The following RPRD2 variants were observed in gnomAD, a reference collection of about 807,000 sequenced individuals.
The protein encoded by RPRD2 is regulation of nuclear pre-mRNA domain containing 2.
A neutral mutation model predicts 104.4 loss-of-function variants in RPRD2; 12 were observed. The observed-to-expected ratio is 0.11, with a 90% CI of 0.07 to 0.19. RPRD2 has a LOEUF of 0.19. Among genes scored for constraint, RPRD2 ranks in the 10% least tolerant of loss-of-function variants. The probability of loss-of-function intolerance (pLI) is 1.00; values close to 1 mark genes in which losing one functional copy is unlikely to be tolerated. For synonymous variants in RPRD2, 714 were observed against 684.9 expected (o/e 1.04, Z -0.66); for missense variants, 1,543 against 1,790.1 (o/e 0.86, Z 2.49).
chr1:150,397,800 G>A (rs1373554082), intron 1 of RPRD2, among the ~76,000 whole-genome samples: 4 of 152,096 alleles, frequency 2.6e-5, no homozygotes, highest in Admixed American at 2.6e-4. Flanking sequence ...AGGCTGGAGT[G>A]TAGTGGCGCC....
At chr1:150,469,688 G>T (rs1220405604) in intron 10 of RPRD2, among the ~76,000 whole-genome samples, 2 of 152,168 alleles carry the variant, frequency 1.3e-5, no homozygotes, top group East Asian at 3.9e-4. Flanking sequence ...TTTTCTACAG[G>T]AGCAGTTTGC....
chr1:150,399,567 G>T (rs1352266422), intron 1 of RPRD2, among the ~76,000 whole-genome samples: 8 of 151,948 alleles, frequency 5.3e-5, no homozygotes, highest in African/African-American at 1.9e-4. Flanking sequence ...GACCAGCCTG[G>T]CCAACATGGT....
At chr1:150,466,036 T>TAAAA (rs1668248738) in intron 10 of RPRD2, among the ~76,000 whole-genome samples, 1 of 61,494 alleles carries the variant, frequency 1.6e-5, no homozygotes, top group Non-Finnish European at 4.9e-5. Context: ...AAAAAAAAAT[T>TAAAA]TTTTTATGAC....
rs782736208 is a variant in RPRD2, at chr1:150,441,846, T to A, written c.437-35T>A. On this transcript the variant is annotated intron_variant, in intron 3 of 10. Transcript: ENST00000369068. The stretch of plus-strand genomic sequence containing the variant: ...AGTGGACAGACAGAACAGCTTCCCA[T>A]AATGCCAGATTGCAAAAACTGAAAT... 8.4e-6 allele frequency: 13 copies of A among 1,540,064 alleles called. No homozygotes were observed. In the South Asian group the frequency reaches 1.5e-4, roughly 18 times the overall value.
chr1:150,473,556 TAA>T lies in RPRD2; in HGVS notation c.*244_*245del, dbSNP rs61486244. On this transcript the variant is annotated 3_prime_UTR_variant, in exon 11 of 11. Coordinates refer to ENST00000369068, the MANE Select transcript of RPRD2 (RefSeq NM_015203.5). Reference sequence around the variant, plus strand: ...TCTACCTTCCCCAAGTTGTTTGTATTAAAAAAAAAAAAAAAAAAAAAAAGTAA... The same window carrying T: ...TCTACCTTCCCCAAGTTGTTTGTATTAAAAAAAAAAAAAAAAAAAAAGTAA... 784 of 98,282 alleles carry T rather than the reference TAA, an allele frequency of 8.0e-3. No individual in the cohort carries two copies. The highest frequency in any genetic ancestry group is 0.013 in the East Asian group (60 of 4,582). 6.1% of individuals were successfully genotyped at this position (98,282 alleles called of 1,614,324 possible).
chr1:150,472,512 A>G lies in RPRD2; in HGVS notation c.3564A>G (p.Ser1188=), dbSNP rs1381125748. The part of the protein sequence containing the change: ...VGSFRSNSFN[S]TFEHHLPPSP... ...GCTTTCGTTCCAACAGTTTCAACTC[A>G]ACATTTGAGCATCATCTTCCCCCAT... The change falls in exon 11 of 11, where the codon TCA becomes TCG. Residue 1188 remains serine (S), a synonymous_variant. Coordinates refer to ENST00000369068, the MANE Select transcript of RPRD2 (RefSeq NM_015203.5). The G allele has an allele frequency of 4.3e-6, 7 of 1,613,934 alleles. No homozygotes were observed. Among genetic ancestry groups the G allele is most frequent in the East Asian group, 2.2e-5 (1 of 44,866 alleles).
chr1:150,371,747 C>G (rs937490233), intron 1 of RPRD2, among the ~76,000 whole-genome samples: 1 of 152,160 alleles, frequency 6.6e-6, no homozygotes, highest in Non-Finnish European at 1.5e-5. Context: ...CAAACCCAGG[C>G]ATTCTTGATC....
intron 1 of RPRD2, among the ~76,000 whole-genome samples, chr1:150,384,671 GTGTGTGTGTGTT>G (rs1370951811): frequency 2.4e-4 from 30 of 127,398 alleles, no homozygotes; most frequent in South Asian, 1.6e-3. Context: ...GTGTGTGTGT[GTGTGTGTGTGTT>G]TTTAGTAGAG....
chr1:150,462,669 C>T (rs1553899065), intron 9 of RPRD2, among the ~76,000 whole-genome samples: 1 of 151,974 alleles, frequency 6.6e-6, no homozygotes, highest in Non-Finnish European at 1.5e-5. Context: ...CATTCTCCTG[C>T]CTCAGCCTCC....
At chr1:150,442,883 TC>T (rs1666500327) in intron 4 of RPRD2, among the ~76,000 whole-genome samples, 1 of 152,042 alleles carries the variant, frequency 6.6e-6, no homozygotes, top group East Asian at 1.9e-4. Context: ...GATGTCCTGT[TC>T]CTGAACACTC....
At chr1:150,408,105 A>G (rs1271621233) in intron 1 of RPRD2, among the ~76,000 whole-genome samples, 3 of 151,178 alleles carry the variant, frequency 2.0e-5, no homozygotes, top group Admixed American at 6.6e-5. Flanking sequence ...AAGGTATTAT[A>G]ATTGTAACAT....
chr1:150,366,169 A>C (rs1553877128), intron 1 of RPRD2, among the ~76,000 whole-genome samples: 1 of 152,228 alleles, frequency 6.6e-6, no homozygotes, highest in African/African-American at 2.4e-5. Context: ...CATACTCCAT[A>C]TACATCTATT....
chr1:150,446,270 A>C lies in RPRD2; in HGVS notation c.739A>C (p.Ser247Arg). The change falls in exon 7 of 11, where the codon AGC becomes CGC. Residue 247 changes from serine (S) to arginine (R), a missense_variant. Physicochemically the swap from Ser to Arg is moderately radical, Grantham distance 110 (BLOSUM62 -1). Coordinates refer to ENST00000369068, the MANE Select transcript of RPRD2 (RefSeq NM_015203.5). ...KKFSKEFEEA[S>R]SKLEEFVNGL... Reference sequence around the variant, plus strand: ...GTTCTCCAAAGAATTTGAAGAGGCAAGCTCCAAGCTGGAAGAATTTGTGAA... The same window carrying C: ...GTTCTCCAAAGAATTTGAAGAGGCACGCTCCAAGCTGGAAGAATTTGTGAA... 1.2e-6 allele frequency: 2 copies of C among 1,604,278 alleles called. No individual in the cohort carries two copies. The highest frequency in any genetic ancestry group is 1.7e-6 in the Non-Finnish European group (2 of 1,177,284).
At chr1:150,396,435 A>G (rs1050839411) in intron 1 of RPRD2, among the ~76,000 whole-genome samples, 16 of 152,278 alleles carry the variant, frequency 1.1e-4, no homozygotes, top group Non-Finnish European at 1.6e-4. Context: ...GCCTAAGCCA[A>G]TGTCTAGAAG....
rs1553896876 is a variant in RPRD2 at position 150,452,661 on chromosome 1, C to CCTT, written c.871-4627_871-4626insCTT. Among the ~76,000 whole-genome samples the CCTT allele has an allele frequency of 2.1e-4, 15 of 71,232 alleles. 1 individual carries two copies. Among genetic ancestry groups the CCTT allele is most frequent in the East Asian group, 4.2e-4 (1 of 2,378 alleles). 46.7% of individuals were successfully genotyped at this position (71,232 alleles called of 152,430 possible). On this transcript the variant is annotated intron_variant, in intron 7 of 10. Transcript: ENST00000369068. ...TTTCTGTGTTCTTTTGACATATCCC[C>CCTT]TTTTTTTTTTTTTTTTTTTTTTTTT...
In RPRD2 at chr1:150,449,537, C is replaced by T. The variant is rs587764881; in HGVS notation, c.870+3136C>T. Among the ~76,000 whole-genome samples, 17 of 152,080 alleles carry T rather than the reference C, an allele frequency of 1.1e-4. No homozygotes were observed. In the South Asian group the frequency reaches 3.1e-3, roughly 28 times the overall value. ...GCTTGCATGTACTCTCTCTTCCTCT[C>T]TTCCTTTCTCCATCCCTCTTCCTCC... On this transcript the variant is annotated intron_variant, in intron 7 of 10. Transcript: ENST00000369068.
chr1:150,429,916 A>C (rs1665437669), intron 2 of RPRD2, among the ~76,000 whole-genome samples: 1 of 152,250 alleles, frequency 6.6e-6, no homozygotes, highest in South Asian at 2.1e-4. Flanking sequence ...ATTAACCAGC[A>C]TGCCGATAAC....
chr1:150,449,145 A>G (rs1666992585), intron 7 of RPRD2, among the ~76,000 whole-genome samples: 1 of 152,182 alleles, frequency 6.6e-6, no homozygotes, highest in Non-Finnish European at 1.5e-5. Context: ...AATGTCTTAG[A>G]TCATTGATTT....
At chr1:150,468,805 A>C (rs1328023186) in intron 10 of RPRD2, among the ~76,000 whole-genome samples, 1 of 152,056 alleles carries the variant, frequency 6.6e-6, no homozygotes, top group African/African-American at 2.4e-5. Context: ...TGAGCCCAAG[A>C]GGTTGAGGTT....
Sources: gnomAD v4.1 joint callset for allele counts (sites outside exome capture counted in the v4.1 genomes callset) on GRCh38, gnomAD v4.1.1 for gene constraint, MANE v1.5 for transcripts, NCBI Gene and HGNC (gene_info 2026-07-23, HGNC 2026-07-21) for gene names.